Variants in ZNF385D observed in about 807,000 individuals in gnomAD.
ZNF385D encodes zinc finger protein 385D, also known as zinc finger protein 659.
A neutral mutation model predicts 35.8 loss-of-function variants in ZNF385D; 15 were observed. The ratio of observed to expected loss-of-function variants is 0.42; its 90% confidence interval spans 0.28 to 0.64. The LOEUF (loss-of-function observed/expected upper bound fraction) is 0.64. ZNF385D is among the 30% of genes least tolerant of loss of function. ZNF385D has a pLI of 0.23. For synonymous variants in ZNF385D, 212 were observed against 186.8 expected, an observed-to-expected ratio of 1.13 and a Z score of -1.10; for missense variants, 474 against 494.6, an observed-to-expected ratio of 0.96 and a Z score of 0.39.
chr3:22,067,769 A>T (rs2125555943), intron 3 of ZNF385D, among the ~76,000 whole-genome samples: 1 of 152,366 alleles, frequency 6.6e-6, no homozygotes, highest in Admixed American at 6.5e-5. Context: ...CACGCCTGTA[A>T]TTCCAGTACT....
At chr3:22,016,084 G>C (rs951020523) in intron 3 of ZNF385D, among the ~76,000 whole-genome samples, 1 of 152,090 alleles carries the variant, frequency 6.6e-6, no homozygotes, top group Non-Finnish European at 1.5e-5. Context: ...TGCAGCACTT[G>C]CTACTTGTTA....
At chr3:21,916,876 T>G (rs892633430) in intron 3 of ZNF385D, among the ~76,000 whole-genome samples, 2 of 152,206 alleles carry the variant, frequency 1.3e-5, no homozygotes, top group Non-Finnish European at 2.9e-5. Context: ...TCAATTAACA[T>G]TGACGAATTA....
upstream of ZNF385D, among the ~76,000 whole-genome samples, chr3:21,752,508 C>T (rs538236948): frequency 2.0e-5 from 3 of 152,192 alleles, no homozygotes; most frequent in African/African-American, 7.2e-5. Flanking sequence ...GGGGCTGAAG[C>T]TCATAATAAC....
chr3:21,992,158 T>A (rs149903506), intron 3 of ZNF385D, among the ~76,000 whole-genome samples: 2 of 152,244 alleles, frequency 1.3e-5, no homozygotes, highest in Admixed American at 6.5e-5. Context: ...TTACCTCCAC[T>A]CTAACCAAGC....
intron 2 of ZNF385D, among the ~76,000 whole-genome samples, chr3:22,223,701 AAG>A (rs1440877397): frequency 6.6e-6 from 1 of 152,160 alleles, no homozygotes; most frequent in East Asian, 1.9e-4. Flanking sequence ...GCACAAGACA[AAG>A]AAACAAAAAT....
intron 3 of ZNF385D, among the ~76,000 whole-genome samples, chr3:21,998,230 C>T (rs1695608899): frequency 6.6e-6 from 1 of 152,076 alleles, no homozygotes; most frequent in South Asian, 2.1e-4. Context: ...TGTAGCCAGG[C>T]AGCAATCCAT....
chr3:22,210,654 A>T (rs760875966), intron 2 of ZNF385D, among the ~76,000 whole-genome samples: 69 of 152,056 alleles, frequency 4.5e-4, no homozygotes, highest in South Asian at 2.1e-4. Context: ...CATTTTTATT[A>T]CACATCTTTC....
chr3:21,789,507 C>T (rs1244956709), intron 3 of ZNF385D, among the ~76,000 whole-genome samples: 1 of 152,114 alleles, frequency 6.6e-6, no homozygotes, highest in Non-Finnish European at 1.5e-5. Context: ...AATGCACACA[C>T]ACAGACACAC....
At chr3:21,843,332 A>G (rs1294121126) in intron 3 of ZNF385D, among the ~76,000 whole-genome samples, 1 of 151,992 alleles carries the variant, frequency 6.6e-6, no homozygotes, top group African/African-American at 2.4e-5. Context: ...GGCCTAGTCA[A>G]GAAGGTCACC....
At chr3:21,549,443 G>T (rs1286958770) in intron 3 of ZNF385D, among the ~76,000 whole-genome samples, 1 of 152,198 alleles carries the variant, frequency 6.6e-6, no homozygotes, top group African/African-American at 2.4e-5. Flanking sequence ...TCCTCACAGA[G>T]TTGGGGGTTC....
chr3:22,336,751 A>C (rs1246836036), intron 2 of ZNF385D, among the ~76,000 whole-genome samples: 1 of 151,608 alleles, frequency 6.6e-6, no homozygotes, highest in Non-Finnish European at 1.5e-5. Context: ...TTTATACCAA[A>C]TTTTTGCATA....
At chr3:22,200,738 C>CG (rs936481611) in intron 2 of ZNF385D, among the ~76,000 whole-genome samples, 8 of 152,102 alleles carry the variant, frequency 5.3e-5, no homozygotes, top group African/African-American at 1.9e-4. Context: ...TGGCCATGCC[C>CG]GGGGGGACCG....
intron 3 of ZNF385D, among the ~76,000 whole-genome samples, chr3:21,918,751 G>A (rs1700314579): frequency 6.6e-6 from 1 of 151,878 alleles, no homozygotes; most frequent in Admixed American, 6.6e-5. Context: ...TCTTTTTATT[G>A]GCAGAAGTGT....
intron 1 of ZNF385D, among the ~76,000 whole-genome samples, chr3:21,695,757 T>TATTA (rs538102634): frequency 4.7e-5 from 7 of 149,614 alleles, no homozygotes; most frequent in East Asian, 2.0e-4. Context: ...TAAATATATA[T>TATTA]TATATATATA....
intron 3 of ZNF385D, among the ~76,000 whole-genome samples, chr3:22,140,143 C>G (rs1219316933): frequency 6.6e-6 from 1 of 152,138 alleles, no homozygotes; most frequent in Non-Finnish European, 1.5e-5. Context: ...GAACTCTGTA[C>G]ATAAATGTTT....
At chr3:21,476,472 G>A (rs943547433) in intron 4 of ZNF385D, among the ~76,000 whole-genome samples, 1 of 151,918 alleles carries the variant, frequency 6.6e-6, no homozygotes, top group African/African-American at 2.4e-5. Context: ...ATGATGTTGA[G>A]CTCAATTATC....
Position 22,215,832 on chromosome 3 carries a change from G to A in ZNF385D, c.107-46797C>T, listed in dbSNP as rs145656347. On this transcript the variant is annotated intron_variant, in intron 2 of 5. Transcript: ENST00000494108. ...CTCAAGGGGCATCACGGAACCTGCCGACATGTGATGTCTCCCCTAGACACC... is the reference window on the plus strand; with the variant it reads ...CTCAAGGGGCATCACGGAACCTGCCAACATGTGATGTCTCCCCTAGACACC... 7.1e-3 allele frequency among the ~76,000 whole-genome samples: 1,081 copies of A among 151,920 alleles called. 14 individuals carry two copies. The highest frequency in any genetic ancestry group is 0.024 in the African/African-American group (1,003 of 41,438).
At chr3:22,361,747 T>C (rs1279284120) in intron 2 of ZNF385D, among the ~76,000 whole-genome samples, 1 of 151,968 alleles carries the variant, frequency 6.6e-6, no homozygotes, top group East Asian at 1.9e-4. Flanking sequence ...TCAAAAATAG[T>C]TCACTATTTA....
At chr3:21,927,444 G>A (rs1700785742) in intron 3 of ZNF385D, among the ~76,000 whole-genome samples, 1 of 152,132 alleles carries the variant, frequency 6.6e-6, no homozygotes, top group Non-Finnish European at 1.5e-5. Context: ...TTTATAATAA[G>A]TGAAAACAAC....
Sources: allele counts gnomAD v4.1 joint callset (sites outside exome capture counted in the v4.1 genomes callset), GRCh38; gene constraint gnomAD v4.1.1; transcripts MANE v1.5; gene names NCBI Gene and HGNC (gene_info 2026-07-23, HGNC 2026-07-21).